CCNDBP1: variants seen among roughly 807,000 people sequenced by gnomAD.
CCNDBP1 encodes the protein cyclin D1 binding protein 1.
In CCNDBP1, 45 loss-of-function variants were observed where a neutral mutation model predicts 46.2. The ratio of observed to expected loss-of-function variants is 0.97; its 90% CI spans 0.77 to 1.25. The LOEUF (loss-of-function observed/expected upper bound fraction) is 1.25. Among genes scored for constraint, CCNDBP1 ranks in the 50% most tolerant of loss-of-function variants. CCNDBP1 has a pLI of 0.00. For missense variants in CCNDBP1, 436 were observed against 442.1 expected, an observed-to-expected ratio of 0.99 and a Z score of 0.12; for synonymous variants, 154 against 163.6, an observed-to-expected ratio of 0.94 and a Z score of 0.45.
intron 4 of CCNDBP1, 63 bp from the exon 5 acceptor site, chr15:43,189,992 A>G: frequency 7.2e-7 from 1 of 1,390,428 alleles, no homozygotes; most frequent in Non-Finnish European, 1.0e-6. Flanking sequence ...GCTTAGACTC[A>G]GGAAAGCAGA....
rs188041943 is a variant in CCNDBP1, at chr15:43,191,733, T to G, written c.860+58T>G. 4,684 of 1,550,428 alleles carry G rather than the reference T, an allele frequency of 3.0e-3. 18 individuals carry two copies. The highest frequency in any genetic ancestry group is 3.8e-3 in the Non-Finnish European group (4,381 of 1,151,648). On this transcript the variant is annotated intron_variant, in intron 8 of 10. Coordinates refer to ENST00000300213, the MANE Select transcript of CCNDBP1 (RefSeq NM_012142.5). ...AGCAGCGTTCTGATTTCAATTTGTG[T>G]TGTCACCTCAAGGTTTTCACAGTTT... is the stretch of plus-strand genomic sequence containing the variant.
At chr15:43,188,057 T>C (rs1402299026) in intron 3 of CCNDBP1, among the ~76,000 whole-genome samples, 1 of 152,136 alleles carries the variant, frequency 6.6e-6, no homozygotes, top group African/African-American at 2.4e-5. Context: ...TTTAATAAAA[T>C]TATGTGCTCG....
intron 9 of CCNDBP1, chr15:43,193,152 A>C (rs925791058): frequency 1.8e-5 from 4 of 225,654 alleles, no homozygotes; most frequent in Non-Finnish European, 2.6e-5. Flanking sequence ...AGCCTGGCCA[A>C]CATGGCGAAA....
intron 9 of CCNDBP1, chr15:43,194,075 T>TC (rs2142241109): frequency 2.9e-6 from 1 of 343,902 alleles, no homozygotes; most frequent in African/African-American, 2.5e-5. Flanking sequence ...TTTTTTTTTT[T>TC]TAAAGGAACC....
chr15:43,191,576 G>A lies in CCNDBP1; in HGVS notation c.761G>A (p.Cys254Tyr). ...GCGCTGGTGAGAGCATCCAAAGCCT[G>A]CCTGAAGAAAATTCGGATGTTAGTG... The part of the protein sequence containing the change: ...CLALVRASKA[C>Y]LKKIRMLVAE... Residue 254 changes from cysteine to tyrosine, a missense_variant, in exon 8 of 11, where the codon TGC (cysteine) becomes TAC (tyrosine). Coordinates refer to ENST00000300213, the MANE Select transcript of CCNDBP1 (RefSeq NM_012142.5). 2.5e-6 allele frequency: 4 copies of A among 1,614,028 alleles called. No homozygotes were observed. Among genetic ancestry groups the A allele is most frequent in the Non-Finnish European group, 2.5e-6 (3 of 1,180,022 alleles).
chr15:43,186,147 C>T lies in CCNDBP1; in HGVS notation c.170-7C>T. On this transcript the variant is annotated splice_polypyrimidine_tract_variant and splice_region_variant and intron_variant, in intron 2 of 10. Coordinates refer to ENST00000300213, the MANE Select transcript of CCNDBP1 (RefSeq NM_012142.5). ...TGGCACCTGCCTCCTCTTCGGCCAC[C>T]CCCCAGATGAGGCAGCTGTGACTGT... 6.2e-7 allele frequency: 1 copy of T among 1,613,710 alleles called. No individual in the cohort carries two copies. Among genetic ancestry groups the T allele is most frequent in the Non-Finnish European group, 8.5e-7 (1 of 1,179,684 alleles).
In CCNDBP1 at chr15:43,191,435, A is replaced by G. The variant is rs2041951105; in HGVS notation, c.620A>G (p.Asp207Gly). ...ECDPYSGLLN[D>G]TEENNSDNHN... ...GACCCTTACTCTGGCCTCTTGAATG[A>G]TACTGAGGAGAACAACTCTGACAAC... Residue 207 changes from aspartate to glycine, a missense_variant, in exon 8 of 11, where the codon GAT becomes GGT. Physicochemically the swap from Asp to Gly is moderately conservative, Grantham distance 94 (BLOSUM62 -1). Coordinates refer to ENST00000300213, the MANE Select transcript of CCNDBP1 (RefSeq NM_012142.5). The G allele has an allele frequency of 2.5e-6, 4 of 1,588,474 alleles. No homozygotes were observed. The highest frequency in any genetic ancestry group is 3.4e-6 in the Non-Finnish European group (4 of 1,170,150).
chr15:43,186,339 A>T (rs1354420708), intron 3 of CCNDBP1, 106 bp downstream of exon 3: 2 of 895,850 alleles, frequency 2.2e-6, no homozygotes, highest in Non-Finnish European at 3.6e-6. Flanking sequence ...TCTTTTCTTC[A>T]TCTGTCCAGT....
chr15:43,190,655 G>T (rs1459622009), intron 6 of CCNDBP1, among the ~76,000 whole-genome samples: 1 of 152,162 alleles, frequency 6.6e-6, no homozygotes, highest in African/African-American at 2.4e-5. Context: ...CCTACCCCAA[G>T]AGTAGTATTA....
chr15:43,185,871 G>T lies in CCNDBP1; in HGVS notation c.161G>T (p.Arg54Ile). Residue 54 changes from arginine to isoleucine, a missense_variant, in exon 2 of 11, where the codon AGA (arginine) becomes ATA (isoleucine). Arg to Ile is a moderately conservative substitution (Grantham distance 97). Coordinates refer to ENST00000300213, the MANE Select transcript of CCNDBP1 (RefSeq NM_012142.5). The part of the protein sequence containing the change: ...TEEFNREMFW[R>I]RLNEAAVTVS... ...GAGTTTAATCGAGAGATGTTCTGGA[G>T]AAGACTCAGTGAGTGCGCCTCCTTC... 6.2e-7 allele frequency: 1 copy of T among 1,611,084 alleles called. No individual in the cohort carries two copies. The highest frequency in any genetic ancestry group is 8.5e-7 in the Non-Finnish European group (1 of 1,179,850).
chr15:43,190,040 T>A lies in CCNDBP1; in HGVS notation c.332-15T>A. ...AAAGAACACCAGGTTGCTTATTCTTTGGGTTTGGCCACAGGGATCACCCTG... is the reference window on the plus strand; with the variant it reads ...AAAGAACACCAGGTTGCTTATTCTTAGGGTTTGGCCACAGGGATCACCCTG... On this transcript the variant is annotated splice_polypyrimidine_tract_variant and intron_variant, in intron 4 of 10. Coordinates refer to ENST00000300213, the MANE Select transcript of CCNDBP1 (RefSeq NM_012142.5). 1 of 1,612,978 alleles carries A rather than the reference T, an allele frequency of 6.2e-7. No homozygotes were observed. Among genetic ancestry groups the A allele is most frequent in the Non-Finnish European group, 8.5e-7 (1 of 1,179,070 alleles).
At position 43,189,297 on chromosome 15, in the gene CCNDBP1, T is replaced by A; in HGVS notation, c.331+17T>A. ...AGGATCAGGGTAAGCCACATAAGTG[T>A]TGCATTTATCGTGTAGATCTTTGCT... On this transcript the variant is annotated intron_variant, in intron 4 of 10. Coordinates refer to ENST00000300213, the MANE Select transcript of CCNDBP1 (RefSeq NM_012142.5). The A allele has an allele frequency of 6.7e-7, 1 of 1,496,978 alleles. No individual in the cohort carries two copies. The highest frequency in any genetic ancestry group is 9.2e-7 in the Non-Finnish European group (1 of 1,083,434). 92.7% of individuals were successfully genotyped at this position (1,496,978 alleles called of 1,614,324 possible).
chr15:43,193,083 G>A (rs374748896), intron 9 of CCNDBP1: 1 of 411,340 alleles, frequency 2.4e-6, no homozygotes, highest in South Asian at 3.4e-5. Flanking sequence ...AAGGCTGGGC[G>A]CGGTAGCTCA....
intron 7 of CCNDBP1, 33 bp from the exon 8 acceptor site, chr15:43,191,362 T>G: frequency 7.3e-7 from 1 of 1,369,066 alleles, no homozygotes; most frequent in Non-Finnish European, 9.7e-7. Context: ...TTTTTTTTTT[T>G]TTTGCATTCA....
chr15:43,194,478 C>G lies in CCNDBP1; in HGVS notation c.968+17C>G. ...AATTACAAAGTAAGTATGAAGACTT[C>G]TCAGATAGCTTTTTGTGAGTAAAAC... On this transcript the variant is annotated intron_variant, in intron 10 of 10. Coordinates refer to ENST00000300213, the MANE Select transcript of CCNDBP1 (RefSeq NM_012142.5). 6.3e-7 allele frequency: 1 copy of G among 1,592,882 alleles called. No homozygotes were observed. The highest frequency in any genetic ancestry group is 8.5e-7 in the Non-Finnish European group (1 of 1,169,702).
intron 2 of CCNDBP1, 87 bp from the exon 3 acceptor site, chr15:43,186,067 T>G: frequency 2.2e-6 from 3 of 1,352,754 alleles, no homozygotes; most frequent in Non-Finnish European, 3.2e-6. Context: ...GAAGTGTTTT[T>G]GAGAAGTCTC....
chr15:43,189,707 C>G, intron 4 of CCNDBP1: 2 of 329,720 alleles, frequency 6.1e-6, no homozygotes, highest in Admixed American at 4.5e-5. Flanking sequence ...TATAATCATG[C>G]CAAAATTATA....
intron 3 of CCNDBP1, among the ~76,000 whole-genome samples, chr15:43,186,492 C>T (rs961597867): frequency 1.3e-5 from 2 of 152,086 alleles, no homozygotes; most frequent in African/African-American, 2.4e-5. Context: ...ATTTTTTAAG[C>T]ACTTTTTATT....
chr15:43,187,667 A>G (rs193278331), intron 3 of CCNDBP1, among the ~76,000 whole-genome samples: 218 of 152,242 alleles, frequency 1.4e-3, no homozygotes, highest in Non-Finnish European at 2.7e-3. Flanking sequence ...AGTAGTTAAT[A>G]TTACCTTATT....
Sources: gnomAD v4.1 joint callset for allele counts (sites outside exome capture counted in the v4.1 genomes callset) on GRCh38, gnomAD v4.1.1 for gene constraint, MANE v1.5 for transcripts, NCBI Gene and HGNC (gene_info 2026-07-23, HGNC 2026-07-21) for gene names.